MTREX: variants seen among roughly 807,000 people sequenced by gnomAD.
MTREX encodes exosome RNA helicase MTR4.
A neutral mutation model predicts 135.4 loss-of-function variants in MTREX; 76 were observed. The observed-to-expected ratio is 0.56, with a 90% CI of 0.47 to 0.68. The LOEUF (loss-of-function observed/expected upper bound fraction) is 0.68, where lower values mean the gene tolerates loss of function less well. Ranked by LOEUF, MTREX falls within the 30% of genes least tolerant of loss-of-function variation. The pLI, the probability that MTREX is intolerant of heterozygous loss-of-function variation, is 0.00. For synonymous variants in MTREX, 404 were observed against 401.6 expected (o/e 1.01, Z -0.07); for missense variants, 920 against 1,262.1 (o/e 0.73, Z 4.11).
rs913671595 is a variant in MTREX, at chr5:55,308,111, A to T, written c.98A>T (p.Lys33Ile). 6.2e-7 allele frequency: 1 copy of T among 1,613,358 alleles called. No individual in the cohort carries two copies. Among genetic ancestry groups the T allele is most frequent in the African/African-American group, 1.3e-5 (1 of 74,918 alleles). The change falls in exon 1 of 27, where the codon AAA becomes ATA. Residue 33 changes from lysine (K) to isoleucine (I), a missense_variant. Lys to Ile is a moderately radical substitution (Grantham distance 102). Coordinates refer to ENST00000230640, the MANE Select transcript of MTREX (RefSeq NM_015360.5). ...TKKDKEKDKGKWKGPPGSADK... is the reference protein window; with the variant it reads ...TKKDKEKDKGIWKGPPGSADK... The stretch of plus-strand genomic sequence containing the variant: ...AAAGACAAGGAAAAGGACAAGGGGA[A>T]ATGGAAGGGGCCTCCAGGGTCTGCA...
Position 55,367,162 on chromosome 5 carries a change from C to A in MTREX, c.1810+287C>A, listed in dbSNP as rs528084088. Among the ~76,000 whole-genome samples, 7 of 152,248 alleles carry A rather than the reference C, an allele frequency of 4.6e-5. No individual in the cohort carries two copies. In the East Asian group the frequency reaches 1.3e-3, roughly 29 times the overall value. Reference sequence around the variant, plus strand: ...TGGTCCTGAATAATGAAATAACACACAAAGCCTAGTATATTAAAACTTGAC... The same window carrying A: ...TGGTCCTGAATAATGAAATAACACAAAAAGCCTAGTATATTAAAACTTGAC... On this transcript the variant is annotated intron_variant, in intron 16 of 26. Transcript: ENST00000230640.
At chr5:55,401,534 CTCTA>C (rs1750723800) in intron 21 of MTREX, among the ~76,000 whole-genome samples, 2 of 152,134 alleles carry the variant, frequency 1.3e-5, no homozygotes, top group African/African-American at 4.8e-5. Context: ...CATATGGTAA[CTCTA>C]TATTTACCTT....
At chr5:55,372,385 G>A (rs1750218198) in intron 16 of MTREX, among the ~76,000 whole-genome samples, 1 of 152,096 alleles carries the variant, frequency 6.6e-6, no homozygotes, top group Admixed American at 6.5e-5. Context: ...GGAACAGTCT[G>A]TGAAAAGGTT....
chr5:55,328,124 T>C (rs1278734307), intron 4 of MTREX, among the ~76,000 whole-genome samples: 1 of 152,198 alleles, frequency 6.6e-6, no homozygotes, highest in East Asian at 1.9e-4. Context: ...ACTCTGTGCT[T>C]TTTTTAGACG....
chr5:55,308,031 A>C lies in MTREX; in HGVS notation c.18A>C (p.Gly6=). The stretch of plus-strand genomic sequence containing the variant: ...TCCCAAAAATGGCGGACGCATTCGG[A>C]GATGAGCTGTTCAGCGTGTTCGAGG... MADAF[G]DELFSVFEGD... Residue 6 remains glycine, a synonymous_variant, in exon 1 of 27, where the codon GGA becomes GGC. Coordinates refer to ENST00000230640, the MANE Select transcript of MTREX (RefSeq NM_015360.5). 1 of 1,614,050 alleles carries C rather than the reference A, an allele frequency of 6.2e-7. No individual in the cohort carries two copies. The highest frequency in any genetic ancestry group is 1.1e-5 in the South Asian group (1 of 91,066).
At chr5:55,374,164 A>G (rs1198289879) in intron 16 of MTREX, among the ~76,000 whole-genome samples, 3 of 152,034 alleles carry the variant, frequency 2.0e-5, no homozygotes, top group East Asian at 3.9e-4. Context: ...AGGCTGAGGC[A>G]GGGAATTGGA....
intron 1 of MTREX, among the ~76,000 whole-genome samples, chr5:55,311,756 A>G (rs2112016702): frequency 6.6e-6 from 1 of 152,346 alleles, no homozygotes; most frequent in East Asian, 1.9e-4. Flanking sequence ...ATTGTAAAAT[A>G]TCTCCTTAAT....
At chr5:55,379,087 T>C (rs527501931) in intron 17 of MTREX, 40 bp from the exon 18 acceptor site, 27 of 1,413,406 alleles carry the variant, frequency 1.9e-5, no homozygotes, top group Admixed American at 8.4e-5. Context: ...CTTGTAGATA[T>C]ACATTTGATT....
intron 5 of MTREX, among the ~76,000 whole-genome samples, chr5:55,331,001 T>C (rs1210595212): frequency 6.6e-6 from 1 of 152,186 alleles, no homozygotes; most frequent in Non-Finnish European, 1.5e-5. Context: ...GTTTTTTTAA[T>C]CTCAGACACT....
chr5:55,360,200 G>GTGTA (rs2112079807), intron 15 of MTREX, among the ~76,000 whole-genome samples: 1 of 152,252 alleles, frequency 6.6e-6, no homozygotes, highest in East Asian at 1.9e-4. Context: ...CTCGTATAAT[G>GTGTA]TGTACCCTTT....
At chr5:55,384,798 A>C (rs1249895631) in intron 18 of MTREX, among the ~76,000 whole-genome samples, 1 of 152,172 alleles carries the variant, frequency 6.6e-6, no homozygotes, top group Non-Finnish European at 1.5e-5. Flanking sequence ...GGTTATGCCC[A>C]CAGTCACCCT....
intron 5 of MTREX, among the ~76,000 whole-genome samples, chr5:55,331,248 T>C (rs1390621979): frequency 5.3e-5 from 8 of 152,228 alleles, no homozygotes; most frequent in Non-Finnish European, 1.0e-4. Context: ...TACTTTTTTA[T>C]TGCATGCCAA....
At position 55,340,197 on chromosome 5, in the gene MTREX, G is replaced by C; in HGVS notation, c.690+13G>C. 5 of 1,506,200 alleles carry C rather than the reference G, an allele frequency of 3.3e-6. No individual in the cohort carries two copies. Among genetic ancestry groups the C allele is most frequent in the Non-Finnish European group, 4.4e-6 (5 of 1,126,526 alleles). 93.3% of individuals were successfully genotyped at this position (1,506,200 alleles called of 1,614,324 possible). On this transcript the variant is annotated intron_variant, in intron 6 of 26. Transcript: ENST00000230640. ...TATGACCACAGAGGTAATTCATGTAGTGCCTCATCTGACTTTTCGTTTTTA... is the reference window on the plus strand; with the variant it reads ...TATGACCACAGAGGTAATTCATGTACTGCCTCATCTGACTTTTCGTTTTTA...
chr5:55,368,103 T>A lies in MTREX; in HGVS notation c.1810+1228T>A, dbSNP rs372991772. ...ATTTGTTAAATATTTACCTTACGCC[T>A]AGCCTTTTATTAAATGCTTTGTATT... is the stretch of plus-strand genomic sequence containing the variant. On this transcript the variant is annotated intron_variant, in intron 16 of 26. Transcript: ENST00000230640. Among the ~76,000 whole-genome samples the A allele has an allele frequency of 7.2e-5, 11 of 152,364 alleles. No homozygotes were observed. In the East Asian group the frequency reaches 9.6e-4, roughly 13 times the overall value.
chr5:55,317,510 A>G (rs1204814933), intron 1 of MTREX, among the ~76,000 whole-genome samples: 1 of 152,214 alleles, frequency 6.6e-6, no homozygotes, highest in Non-Finnish European at 1.5e-5. Context: ...GACAAAACTA[A>G]CAAAACGAAG....
intron 19 of MTREX, among the ~76,000 whole-genome samples, chr5:55,394,521 C>A (rs1213729400): frequency 6.6e-6 from 1 of 152,152 alleles, no homozygotes; most frequent in Non-Finnish European, 1.5e-5. Flanking sequence ...CTTAGATTCT[C>A]ATAACGACCA....
At chr5:55,399,183 G>A (rs1169644486) in intron 20 of MTREX, among the ~76,000 whole-genome samples, 3 of 152,122 alleles carry the variant, frequency 2.0e-5, no homozygotes, top group Admixed American at 6.6e-5. Flanking sequence ...TGTACCATAT[G>A]CACTTACCAG....
chr5:55,424,680 G>C, intron 26 of MTREX, 40 bp from the exon 27 acceptor site: 5 of 1,468,124 alleles, frequency 3.4e-6, no homozygotes, highest in Middle Eastern at 1.7e-4. Flanking sequence ...TAGGTGTTTT[G>C]TGGTCTTGAA....
intron 14 of MTREX, among the ~76,000 whole-genome samples, chr5:55,355,408 A>G (rs1461037509): frequency 6.6e-6 from 1 of 152,196 alleles, no homozygotes; most frequent in Non-Finnish European, 1.5e-5. Flanking sequence ...CCCAGGTAGC[A>G]GCAGTGAGAC....
Sources: gnomAD v4.1 joint callset for allele counts (sites outside exome capture counted in the v4.1 genomes callset) on GRCh38, gnomAD v4.1.1 for gene constraint, MANE v1.5 for transcripts, NCBI Gene and HGNC (gene_info 2026-07-23, HGNC 2026-07-21) for gene names.